Variants in MEI4 observed in about 807,000 individuals in gnomAD.
MEI4 encodes the protein meiosis-specific protein MEI4.
In MEI4, 27 loss-of-function variants were observed where a neutral mutation model predicts 31.4. The observed-to-expected ratio is 0.86, with a 90% CI of 0.63 to 1.19. The LOEUF (loss-of-function observed/expected upper bound fraction) is 1.19, where lower values mean the gene tolerates loss of function less well. MEI4 is among the 50% of genes most tolerant of loss of function. MEI4 has a pLI of 0.00. For synonymous variants in MEI4, 122 were observed against 145.4 expected (o/e 0.84, Z 1.16); for missense variants, 329 against 398.9 (o/e 0.82, Z 1.49).
chr6:77,685,558 TC>T (rs972108766), intron 1 of MEI4, among the ~76,000 whole-genome samples: 1 of 152,152 alleles, frequency 6.6e-6, no homozygotes, highest in Non-Finnish European at 1.5e-5. Flanking sequence ...TTTGATGCAA[TC>T]CCATTTGTCT....
chr6:77,657,753 C>T (rs1025386516), intron 1 of MEI4, among the ~76,000 whole-genome samples: 15 of 152,180 alleles, frequency 9.9e-5, no homozygotes, highest in Non-Finnish European at 2.9e-5. Context: ...TCAAGGAGCT[C>T]ATGCATTCTT....
chr6:77,872,573 ATTTAT>A (rs1398042269), intron 4 of MEI4, among the ~76,000 whole-genome samples: 4 of 151,408 alleles, frequency 2.6e-5, no homozygotes, highest in South Asian at 2.1e-4. Context: ...TTTATTTTTT[ATTTAT>A]TTTATTTTAT....
intron 1 of MEI4, among the ~76,000 whole-genome samples, chr6:77,664,552 G>C (rs920323845): frequency 6.6e-6 from 1 of 152,108 alleles, no homozygotes. Flanking sequence ...AAGATTATAG[G>C]GTGGAGGAGT....
intron 1 of MEI4, among the ~76,000 whole-genome samples, chr6:77,681,414 G>A (rs1038650124): frequency 2.0e-5 from 3 of 152,142 alleles, no homozygotes; most frequent in Non-Finnish European, 4.4e-5. Flanking sequence ...GTGTAACCAC[G>A]AAACACCTAT....
chr6:77,761,356 C>A lies in MEI4; in HGVS notation c.459C>A (p.Phe153Leu). The change falls in exon 3 of 5, where the codon TTC becomes TTA. Residue 153 changes from phenylalanine (F) to leucine (L), a missense_variant. Phe to Leu is a conservative substitution (Grantham distance 22). Transcript: ENST00000684080. ...ATCCTTTGTCTTCTCACATGCAATT[C>A]TTGCAATATCTACTTGAATTAAAGA... Reference protein sequence around the residue: ...LQNPLSSHMQFLQYLLELKNL... With the variant: ...LQNPLSSHMQLLQYLLELKNL... 1 of 1,232,394 alleles carries A rather than the reference C, an allele frequency of 8.1e-7. No homozygotes were observed. Among genetic ancestry groups the A allele is most frequent in the Non-Finnish European group, 1.0e-6 (1 of 987,974 alleles). The allele number at this position is 1,232,394 out of a possible 1,614,324, so 76.3% of individuals were successfully genotyped here.
At chr6:77,859,198 C>G (rs2127720553) in intron 4 of MEI4, among the ~76,000 whole-genome samples, 1 of 152,284 alleles carries the variant, frequency 6.6e-6, no homozygotes, top group African/African-American at 2.4e-5. Context: ...GACATGATCT[C>G]ATCCCTTTTT....
At chr6:77,664,376 A>T (rs1009203204) in intron 1 of MEI4, among the ~76,000 whole-genome samples, 1 of 152,190 alleles carries the variant, frequency 6.6e-6, no homozygotes, top group African/African-American at 2.4e-5. Flanking sequence ...TTTGATGAAA[A>T]AGAGCCTAAA....
chr6:77,766,915 C>T (rs1358518818), intron 3 of MEI4, among the ~76,000 whole-genome samples: 1 of 152,110 alleles, frequency 6.6e-6, no homozygotes, highest in East Asian at 1.9e-4. Context: ...ATAACACAGG[C>T]TTTTCTTCCT....
At chr6:77,790,143 A>C (rs1016497165) in intron 3 of MEI4, among the ~76,000 whole-genome samples, 3 of 151,612 alleles carry the variant, frequency 2.0e-5, no homozygotes, top group Non-Finnish European at 2.9e-5. Context: ...TTCTCAGCAA[A>C]GTATCACAAG....
chr6:77,907,702 G>A (rs1581969339), intron 4 of MEI4, among the ~76,000 whole-genome samples: 1 of 152,064 alleles, frequency 6.6e-6, no homozygotes, highest in African/African-American at 2.4e-5. Flanking sequence ...AGATCCCTGA[G>A]GAATCTAGAA....
At chr6:77,905,145 C>A (rs7738598) in intron 4 of MEI4, among the ~76,000 whole-genome samples, 80,720 of 151,670 alleles carry the variant, frequency 0.53, 23,279 homozygotes, top group East Asian at 0.76. Context: ...TCTGAAAGAC[C>A]GCTTTGCCAG....
intron 3 of MEI4, among the ~76,000 whole-genome samples, chr6:77,794,201 A>G (rs1201727186): frequency 6.6e-6 from 1 of 152,174 alleles, no homozygotes; most frequent in Non-Finnish European, 1.5e-5. Flanking sequence ...ACACAGACAC[A>G]AAAATTCACT....
At chr6:77,677,355 A>T (rs1768863666) in intron 1 of MEI4, among the ~76,000 whole-genome samples, 1 of 152,154 alleles carries the variant, frequency 6.6e-6, no homozygotes, top group Non-Finnish European at 1.5e-5. Flanking sequence ...GAAACGTGGC[A>T]CTAGCTGGCC....
At chr6:77,741,116 C>T (rs1336939145) in intron 2 of MEI4, among the ~76,000 whole-genome samples, 1 of 152,080 alleles carries the variant, frequency 6.6e-6, no homozygotes, top group Non-Finnish European at 1.5e-5. Context: ...GTATAAGAAA[C>T]ACACCAGATG....
intron 1 of MEI4, among the ~76,000 whole-genome samples, chr6:77,661,238 T>G (rs1581997804): frequency 6.6e-6 from 1 of 152,134 alleles, no homozygotes; most frequent in East Asian, 1.9e-4. Flanking sequence ...TCTTGAAGAT[T>G]GAGGATGGTA....
chr6:77,759,399 C>A (rs1767994632), intron 2 of MEI4, among the ~76,000 whole-genome samples: 1 of 152,096 alleles, frequency 6.6e-6, no homozygotes, highest in Non-Finnish European at 1.5e-5. Context: ...TCCTAAAATG[C>A]ATTTTCAGTC....
At chr6:77,664,052 G>A (rs763871080) in intron 1 of MEI4, among the ~76,000 whole-genome samples, 2 of 152,188 alleles carry the variant, frequency 1.3e-5, no homozygotes, top group East Asian at 1.9e-4. Context: ...CTGGAGGAAC[G>A]CCTGGCCGTT....
chr6:77,757,953 C>G (rs916506031), intron 2 of MEI4, among the ~76,000 whole-genome samples: 5 of 151,866 alleles, frequency 3.3e-5, no homozygotes, highest in Non-Finnish European at 5.9e-5. Flanking sequence ...GTCAAGAGAT[C>G]GAGACCATCC....
Position 77,868,912 on chromosome 6 carries a change from C to T in MEI4, c.900+39850C>T, listed in dbSNP as rs1373409934. On this transcript the variant is annotated intron_variant, in intron 4 of 4. Coordinates refer to ENST00000684080, the MANE Select transcript of MEI4 (RefSeq NM_001322247.2). The stretch of plus-strand genomic sequence containing the variant: ...GAAGTAGAAAAGAAGAGATTGGTAA[C>T]TAGAAGAACAGCACCCATGGTTCAT... 5.3e-5 allele frequency among the ~76,000 whole-genome samples: 8 copies of T among 152,154 alleles called. No individual in the cohort carries two copies. In the East Asian group the frequency reaches 1.6e-3, roughly 30 times the overall value.
Sources: gnomAD v4.1 joint callset for allele counts (sites outside exome capture counted in the v4.1 genomes callset) on GRCh38, gnomAD v4.1.1 for gene constraint, MANE v1.5 for transcripts, NCBI Gene and HGNC (gene_info 2026-07-23, HGNC 2026-07-21) for gene names.